CENPW: variants seen among roughly 807,000 people sequenced by gnomAD.
CENPW encodes centromere protein W.
CENPW carries 3 observed loss-of-function variants against 11.1 expected under a neutral mutation model. That is an observed-to-expected ratio of 0.27 (90% CI 0.12 to 0.70). CENPW has a LOEUF of 0.70. CENPW is among the 30% of genes least tolerant of loss of function. The pLI, the probability that CENPW is intolerant of heterozygous loss-of-function variation, is 0.77. For synonymous variants in CENPW, 38 were observed against 42.0 expected (o/e 0.91, Z 0.37); for missense variants, 100 against 105.6 (o/e 0.95, Z 0.23).
the CENPW span, among the ~76,000 whole-genome samples, chr6:126,455,547 C>G: frequency 1.3e-5 from 2 of 151,364 alleles, no homozygotes; most frequent in East Asian, 3.9e-4. Flanking sequence ...CCTAAACAAA[C>G]TAGGTATTGA....
the CENPW span, among the ~76,000 whole-genome samples, chr6:126,409,303 T>G: frequency 6.6e-6 from 1 of 152,192 alleles, no homozygotes; most frequent in Non-Finnish European, 1.5e-5. Flanking sequence ...ATAATTTCAA[T>G]TTTAAAAAGG....
the CENPW span, among the ~76,000 whole-genome samples, chr6:126,428,620 G>T: frequency 2.6e-5 from 4 of 152,092 alleles, no homozygotes; most frequent in Admixed American, 1.3e-4. Flanking sequence ...AATGAAGGAA[G>T]ACAGTAACTT....
At chr6:126,417,835 A>T in the CENPW span, among the ~76,000 whole-genome samples, 1 of 152,224 alleles carries the variant, frequency 6.6e-6, no homozygotes, top group Non-Finnish European at 1.5e-5. Context: ...AAAAGTCATC[A>T]ATTATACCTA....
chr6:126,353,385 A>G (rs1001902728), downstream of CENPW, among the ~76,000 whole-genome samples: 2 of 151,982 alleles, frequency 1.3e-5, no homozygotes, highest in Non-Finnish European at 2.9e-5. Context: ...ATTGCCTATT[A>G]TAGCAAATAA....
the CENPW span, among the ~76,000 whole-genome samples, chr6:126,412,500 A>G: frequency 6.6e-6 from 1 of 152,028 alleles, no homozygotes; most frequent in Non-Finnish European, 1.5e-5. Flanking sequence ...ATTTTTCCAC[A>G]TTATTACTAT....
the CENPW span, among the ~76,000 whole-genome samples, chr6:126,410,449 C>G: frequency 6.6e-6 from 1 of 151,962 alleles, no homozygotes. Flanking sequence ...TGATTTTTGA[C>G]AATTTGACTA....
the CENPW span, among the ~76,000 whole-genome samples, chr6:126,408,725 G>A: frequency 4.6e-5 from 7 of 152,182 alleles, no homozygotes; most frequent in African/African-American, 1.7e-4. Context: ...TATACGTCCA[G>A]GGATTTTTTT....
the CENPW span, among the ~76,000 whole-genome samples, chr6:126,389,713 A>T: frequency 6.6e-6 from 1 of 151,796 alleles, no homozygotes; most frequent in Non-Finnish European, 1.5e-5. Context: ...GGAATTATGT[A>T]AAATCCAGTT....
At chr6:126,357,963 A>G in the CENPW span, among the ~76,000 whole-genome samples, 1 of 151,968 alleles carries the variant, frequency 6.6e-6, no homozygotes, top group South Asian at 2.1e-4. Flanking sequence ...AGGTATTACC[A>G]TTTTTTTGTG....
chr6:126,459,977 T>C, the CENPW span, among the ~76,000 whole-genome samples: 2 of 151,634 alleles, frequency 1.3e-5, no homozygotes, highest in Non-Finnish European at 3.0e-5. Context: ...TATTTGTTTT[T>C]GAACAAATAA....
At chr6:126,464,164 A>G in the CENPW span, among the ~76,000 whole-genome samples, 1 of 152,132 alleles carries the variant, frequency 6.6e-6, no homozygotes, top group Non-Finnish European at 1.5e-5. Flanking sequence ...CTGGTTTAAC[A>G]TTTGAAAAAC....
the CENPW span, among the ~76,000 whole-genome samples, chr6:126,452,799 T>G: frequency 6.6e-6 from 1 of 150,946 alleles, no homozygotes; most frequent in African/African-American, 2.4e-5. Context: ...TCAAGCATGA[T>G]GAAGCCAAAT....
At chr6:126,476,406 TGAAAATCATGA>T in the CENPW span, among the ~76,000 whole-genome samples, 1 of 152,016 alleles carries the variant, frequency 6.6e-6, no homozygotes, top group Non-Finnish European at 1.5e-5. Flanking sequence ...TCATTTTGAC[TGAAAATCATGA>T]GAAAATCATG....
chr6:126,431,181 A>G, the CENPW span, among the ~76,000 whole-genome samples: 5 of 152,168 alleles, frequency 3.3e-5, no homozygotes, highest in East Asian at 9.6e-4. Context: ...TTTATGAGAT[A>G]AACACCTGTT....
the CENPW span, among the ~76,000 whole-genome samples, chr6:126,455,623 G>A: frequency 6.6e-6 from 1 of 151,268 alleles, no homozygotes; most frequent in African/African-American, 2.4e-5. Context: ...ATACTGAGTG[G>A]GGAAAAGCTG....
At chr6:126,405,336 G>T in the CENPW span, among the ~76,000 whole-genome samples, 1 of 151,898 alleles carries the variant, frequency 6.6e-6, no homozygotes, top group Non-Finnish European at 1.5e-5. Flanking sequence ...TTTATTTCTA[G>T]GTTCTGTTTT....
At chr6:126,426,423 C>T in the CENPW span, among the ~76,000 whole-genome samples, 1 of 152,114 alleles carries the variant, frequency 6.6e-6, no homozygotes, top group Non-Finnish European at 1.5e-5. Flanking sequence ...TAAGAATCTT[C>T]ACTCTTATAT....
At position 126,340,393 on chromosome 6, in the gene CENPW, C is replaced by T. The variant is rs1333583430; in HGVS notation, c.120C>T (p.Asp40=). ...KPQLRLEKSG[D]LLVHLNCLLF... ...AACTTCGTCTGGAGAAAAGTGGTGA[C>T]TTATTGGTGAGATTCCATCCCTTCT... is the stretch of plus-strand genomic sequence containing the variant. Residue 40 remains aspartate (D), a synonymous_variant, in exon 1 of 3, where the codon GAC becomes GAT. Coordinates refer to ENST00000368328, the MANE Select transcript of CENPW (RefSeq NM_001012507.4). 1.2e-6 allele frequency: 2 copies of T among 1,614,146 alleles called. No homozygotes were observed. The highest frequency in any genetic ancestry group is 8.5e-7 in the Non-Finnish European group (1 of 1,180,028).
At chr6:126,396,620 G>C in the CENPW span, among the ~76,000 whole-genome samples, 1 of 151,974 alleles carries the variant, frequency 6.6e-6, no homozygotes, top group Non-Finnish European at 1.5e-5. Context: ...CAAGCAGAAG[G>C]AGTCTCTCAC....
Sources: gnomAD v4.1 joint callset for allele counts (sites outside exome capture counted in the v4.1 genomes callset) on GRCh38, gnomAD v4.1.1 for gene constraint, MANE v1.5 for transcripts, NCBI Gene and HGNC (gene_info 2026-07-23, HGNC 2026-07-21) for gene names.